Variants in HDAC9 observed in about 807,000 individuals in gnomAD.
HDAC9 encodes the protein histone deacetylase 9.
HDAC9 carries 41 observed loss-of-function variants against 139.4 expected under a neutral mutation model. The ratio of observed to expected loss-of-function variants is 0.29; its 90% CI spans 0.23 to 0.38. The LOEUF is 0.38. Among genes scored for constraint, HDAC9 ranks in the 10% least tolerant of loss-of-function variants. The probability of loss-of-function intolerance (pLI) is 1.00; values close to 1 mark genes in which losing one functional copy is unlikely to be tolerated. For synonymous variants in HDAC9, 517 were observed against 476.2 expected (o/e 1.09, Z -1.12); for missense variants, 1,147 against 1,297.0 (o/e 0.88, Z 1.78).
At chr7:18,982,369 C>T (rs1037906701) in intron 25 of HDAC9, among the ~76,000 whole-genome samples, 2 of 152,030 alleles carry the variant, frequency 1.3e-5, no homozygotes, top group African/African-American at 2.4e-5. Flanking sequence ...ACATAAAGAT[C>T]ATCATCTTCA....
chr7:18,271,576 C>T (rs1796358705), intron 2 of HDAC9, among the ~76,000 whole-genome samples: 1 of 152,168 alleles, frequency 6.6e-6, no homozygotes, highest in Non-Finnish European at 1.5e-5. Context: ...AGAAATGCTG[C>T]AGTCTTCCAT....
intron 1 of HDAC9, among the ~76,000 whole-genome samples, chr7:18,150,353 A>G (rs1387698852): frequency 6.6e-6 from 1 of 152,196 alleles, no homozygotes; most frequent in East Asian, 1.9e-4. Context: ...TGTTATTGCT[A>G]GCAAAAACTT....
intron 2 of HDAC9, among the ~76,000 whole-genome samples, chr7:18,572,686 T>A (rs1292077364): frequency 6.6e-6 from 1 of 152,180 alleles, no homozygotes; most frequent in Non-Finnish European, 1.5e-5. Context: ...TTATATCAAA[T>A]TGAATTTTAA....
chr7:18,796,097 C>T (rs923154641), intron 17 of HDAC9, among the ~76,000 whole-genome samples: 3 of 152,148 alleles, frequency 2.0e-5, no homozygotes, highest in Admixed American at 6.5e-5. Context: ...TACGATACCA[C>T]ATCGTATGAG....
chr7:18,188,199 T>C (rs1790063612), intron 2 of HDAC9, among the ~76,000 whole-genome samples: 1 of 151,974 alleles, frequency 6.6e-6, no homozygotes, highest in African/African-American at 2.4e-5. Flanking sequence ...GCACCACACA[T>C]CTACAACCAT....
chr7:18,749,011 C>T lies in HDAC9; in HGVS notation c.1916C>T (p.Ala639Val). Residue 639 changes from alanine (A) to valine (V), a missense_variant, in exon 14 of 26, where the codon GCC becomes GTC. This residue lies in a region of HDAC9 where 256 missense variants were observed against 219.2 expected (regional missense o/e 1.17). Transcript: ENST00000686413. ...TATTTCCCTTGTCTTAAAGGAATTG[C>T]CTATGACCCCTTGATGCTGAAACAC... The part of the protein sequence containing the change: ...PLQPGSATGI[A>V]YDPLMLKHQC... The T allele has an allele frequency of 6.2e-7, 1 of 1,613,294 alleles. No homozygotes were observed. The highest frequency in any genetic ancestry group is 1.3e-5 in the African/African-American group (1 of 74,980).
chr7:18,114,708 A>G (rs1486804681), intron 1 of HDAC9, among the ~76,000 whole-genome samples: 4 of 152,216 alleles, frequency 2.6e-5, no homozygotes, highest in African/African-American at 7.2e-5. Flanking sequence ...ATTCTCAAGC[A>G]TGGCTGCTGG....
rs553884356 is a variant in HDAC9 at position 18,736,399 on chromosome 7, G to C, written c.1909+8642G>C. Among the ~76,000 whole-genome samples, 189 of 152,232 alleles carry C rather than the reference G, an allele frequency of 1.2e-3. 2 individuals carry two copies. The highest frequency in any genetic ancestry group is 4.3e-3 in the African/African-American group (179 of 41,548). ...TCATAAATAGCTCTTATTATTTTGA[G>C]ATACATTCCATAAATACCTGATTTA... On this transcript the variant is annotated intron_variant, in intron 13 of 25. Transcript: ENST00000686413.
At chr7:18,763,868 C>A in intron 15 of HDAC9, among the ~76,000 whole-genome samples, 1 of 152,100 alleles carries the variant, frequency 6.6e-6, no homozygotes, top group Admixed American at 6.6e-5. Context: ...AACCTTCCAA[C>A]TTTATTGGAA....
intron 1 of HDAC9, among the ~76,000 whole-genome samples, chr7:18,348,804 A>C (rs1456952958): frequency 2.0e-5 from 3 of 152,066 alleles, no homozygotes; most frequent in Non-Finnish European, 2.9e-5. Context: ...AATTACAGCT[A>C]CTATTTGTTA....
chr7:18,918,524 T>G (rs1803411944), intron 22 of HDAC9, among the ~76,000 whole-genome samples: 1 of 152,070 alleles, frequency 6.6e-6, no homozygotes, highest in African/African-American at 2.4e-5. Context: ...GACATAAGAA[T>G]TTTAGACTTT....
chr7:18,835,750 C>T, intron 20 of HDAC9, 150 bp from the exon 21 acceptor site: 1 of 1,057,960 alleles, frequency 9.5e-7, no homozygotes, highest in Non-Finnish European at 1.4e-6. Context: ...GTGCATAACC[C>T]AGAGCACTGT....
intron 2 of HDAC9, among the ~76,000 whole-genome samples, chr7:18,255,626 CTTTTT>C (rs11386457): frequency 3.5e-5 from 4 of 113,606 alleles, no homozygotes; most frequent in African/African-American, 6.7e-5. Context: ...TTTTTCTTTC[CTTTTT>C]TTTTTTTTTT....
At chr7:18,789,922 C>A (rs1045261983) in intron 16 of HDAC9, among the ~76,000 whole-genome samples, 1 of 152,000 alleles carries the variant, frequency 6.6e-6, no homozygotes, top group African/African-American at 2.4e-5. Context: ...GATGCTATCA[C>A]TAATATAGGG....
chr7:18,214,037 G>A (rs1792126747), intron 2 of HDAC9, among the ~76,000 whole-genome samples: 1 of 151,942 alleles, frequency 6.6e-6, no homozygotes, highest in East Asian at 1.9e-4. Context: ...AGTAGCTACA[G>A]GTTTATTTAC....
intron 2 of HDAC9, chr7:18,505,841 T>G (rs959520140): frequency 3.9e-5 from 6 of 152,224 alleles, no homozygotes; most frequent in Admixed American, 3.3e-4. Flanking sequence ...AAAGAAGCTT[T>G]CAGAAGATCA....
intron 22 of HDAC9, among the ~76,000 whole-genome samples, chr7:18,917,213 G>A (rs1803285962): frequency 6.6e-6 from 1 of 151,932 alleles, no homozygotes; most frequent in African/African-American, 2.4e-5. Flanking sequence ...TCTCCGCTCA[G>A]ACACTGTCAT....
intron 12 of HDAC9, among the ~76,000 whole-genome samples, chr7:18,670,205 G>A (rs1330514867): frequency 6.6e-6 from 1 of 151,898 alleles, no homozygotes; most frequent in Non-Finnish European, 1.5e-5. Flanking sequence ...CAGGAACTTG[G>A]AGATACAAAA....
chr7:18,830,909 G>A (rs1187203419), intron 19 of HDAC9, among the ~76,000 whole-genome samples: 2 of 152,194 alleles, frequency 1.3e-5, no homozygotes, highest in African/African-American at 4.8e-5. Flanking sequence ...TATGCAAAAT[G>A]ACAGCTAAAG....
Sources: gnomAD v4.1 joint callset for allele counts (sites outside exome capture counted in the v4.1 genomes callset) on GRCh38, gnomAD v4.1.1 for gene constraint, gnomAD v4.1.1 regional missense constraint, MANE v1.5 for transcripts, NCBI Gene and HGNC (gene_info 2026-07-23, HGNC 2026-07-21) for gene names.